The following TEK variants were observed in gnomAD, a reference collection of about 807,000 sequenced individuals.
TEK encodes TEK receptor tyrosine kinase, also known as angiopoietin-1 receptor.
A neutral mutation model predicts 131.8 loss-of-function variants in TEK; 43 were observed. The observed-to-expected ratio is 0.33, with a 90% CI of 0.26 to 0.42. The LOEUF (loss-of-function observed/expected upper bound fraction) is 0.42, where lower values mean the gene tolerates loss of function less well. Among genes scored for constraint, TEK ranks in the 10% least tolerant of loss-of-function variants. The probability of loss-of-function intolerance (pLI) is 1.00; values close to 1 mark genes in which losing one functional copy is unlikely to be tolerated. For synonymous variants in TEK, 580 were observed against 491.6 expected (o/e 1.18, Z -2.38); for missense variants, 1,162 against 1,384.4 (o/e 0.84, Z 2.55).
At position 27,114,948 on chromosome 9, in the gene TEK, C is replaced by CTTATT. The variant is rs1207115655; in HGVS notation, c.52+5307_52+5311dup. ...CATCTATCCTTTCAATAAACAAAGA[C>CTTATT]TTATTGAGGGTTTCCTTTGAGCCAT... On this transcript the variant is annotated intron_variant, in intron 1 of 22. Transcript: ENST00000380036. Among the ~76,000 whole-genome samples the CTTATT allele has an allele frequency of 3.9e-5, 6 of 152,206 alleles. No individual in the cohort carries two copies. In the East Asian group the frequency reaches 1.2e-3, roughly 29 times the overall value.
Position 27,191,886 on chromosome 9 carries a change from G to A in TEK, c.1490-603G>A, listed in dbSNP as rs1408195773. 6 of 448,152 alleles carry A rather than the reference G, an allele frequency of 1.3e-5. No homozygotes were observed. In the East Asian group the frequency reaches 4.2e-4, roughly 31 times the overall value. The allele number at this position is 448,152 out of a possible 1,614,324, so 27.8% of individuals were successfully genotyped here. On this transcript the variant is annotated intron_variant, in intron 10 of 22. Coordinates refer to ENST00000380036, the MANE Select transcript of TEK (RefSeq NM_000459.5). Reference sequence around the variant, plus strand: ...ACATCCCAGTTTTTTTTCTTACCAAGTAGGAATTTATCATATGATAAGGCA... The same window carrying A: ...ACATCCCAGTTTTTTTTCTTACCAAATAGGAATTTATCATATGATAAGGCA...
intron 21 of TEK, among the ~76,000 whole-genome samples, chr9:27,226,949 G>T (rs7024846): frequency 0.47 from 71,908 of 151,848 alleles, 17,212 homozygotes; most frequent in Admixed American, 0.57. Flanking sequence ...GTGAAGGAGG[G>T]TGTTAATCTC....
chr9:27,180,522 G>T (rs1035096736), intron 7 of TEK, 154 bp downstream of exon 7: 4 of 1,169,144 alleles, frequency 3.4e-6, no homozygotes, highest in East Asian at 5.3e-5. Flanking sequence ...CTAAAGCACA[G>T]CATTTTAATT....
chr9:27,127,558 T>G (rs919374880), intron 1 of TEK, among the ~76,000 whole-genome samples: 1 of 152,226 alleles, frequency 6.6e-6, no homozygotes, highest in Admixed American at 6.5e-5. Flanking sequence ...ATTGCCATAT[T>G]GTCTTCCACA....
chr9:27,148,431 G>C (rs1219486496), intron 1 of TEK, among the ~76,000 whole-genome samples: 2 of 152,236 alleles, frequency 1.3e-5, no homozygotes, highest in Admixed American at 6.5e-5. Context: ...TTATGCTTCT[G>C]TATGTCATCT....
intron 1 of TEK, among the ~76,000 whole-genome samples, chr9:27,137,582 AG>A (rs1423370030): frequency 1.3e-5 from 2 of 152,148 alleles, no homozygotes. Flanking sequence ...GTTCAACTTT[AG>A]GAATTTATAT....
intron 5 of TEK, 99 bp from the exon 6 acceptor site, chr9:27,173,123 T>A: frequency 6.7e-7 from 1 of 1,496,456 alleles, no homozygotes; most frequent in Non-Finnish European, 9.2e-7. Flanking sequence ...TTTGACTGTT[T>A]CCCATATTCA....
At chr9:27,150,419 C>T (rs994040112) in intron 1 of TEK, among the ~76,000 whole-genome samples, 1 of 152,168 alleles carries the variant, frequency 6.6e-6, no homozygotes, top group South Asian at 2.1e-4. Flanking sequence ...CCAGCCTAGG[C>T]AACACAGTGA....
At chr9:27,117,213 C>T (rs759300580) in intron 1 of TEK, among the ~76,000 whole-genome samples, 4 of 152,118 alleles carry the variant, frequency 2.6e-5, no homozygotes, top group Admixed American at 6.5e-5. Context: ...AGAGTAACAG[C>T]CTCCGGGCCT....
chr9:27,214,180 G>A (rs1242976004), intron 18 of TEK, among the ~76,000 whole-genome samples: 1 of 152,204 alleles, frequency 6.6e-6, no homozygotes, highest in Non-Finnish European at 1.5e-5. Flanking sequence ...TACAGTCTTA[G>A]AGGAAGAGAG....
chr9:27,206,402 C>A (rs1457538404), intron 14 of TEK, among the ~76,000 whole-genome samples, 180 bp from the exon 15 acceptor site: 3 of 152,174 alleles, frequency 2.0e-5, no homozygotes, highest in Non-Finnish European at 4.4e-5. Flanking sequence ...CCCGTGCAGC[C>A]CTGTGGGCAG....
intron 1 of TEK, among the ~76,000 whole-genome samples, chr9:27,152,426 A>T (rs1242772419): frequency 6.8e-6 from 1 of 147,774 alleles, no homozygotes; most frequent in Admixed American, 6.8e-5. Context: ...AAAAAAAAAA[A>T]GCTAATTGGA....
At chr9:27,228,117 G>T (rs1369588144) in intron 21 of TEK, 89 bp from the exon 22 acceptor site, 3 of 1,080,596 alleles carry the variant, frequency 2.8e-6, no homozygotes, top group Admixed American at 1.8e-5. Flanking sequence ...CCATGCATTG[G>T]GTGGCTTCAT....
chr9:27,221,029 C>T (rs1159793112), intron 21 of TEK, among the ~76,000 whole-genome samples: 1 of 152,212 alleles, frequency 6.6e-6, no homozygotes, highest in African/African-American at 2.4e-5. Flanking sequence ...GAAATTCTCG[C>T]TGCAAGCACA....
chr9:27,144,513 G>T (rs1822843614), intron 1 of TEK, among the ~76,000 whole-genome samples: 1 of 152,192 alleles, frequency 6.6e-6, no homozygotes, highest in African/African-American at 2.4e-5. Context: ...AGATATTTAG[G>T]CCTGCAGTTT....
At chr9:27,129,861 A>T (rs1822143336) in intron 1 of TEK, among the ~76,000 whole-genome samples, 1 of 152,200 alleles carries the variant, frequency 6.6e-6, no homozygotes, top group African/African-American at 2.4e-5. Context: ...ATAGATTTCC[A>T]CTAAACTGAT....
intron 21 of TEK, among the ~76,000 whole-genome samples, chr9:27,221,620 C>A (rs572979509): frequency 6.6e-6 from 1 of 152,312 alleles, no homozygotes; most frequent in South Asian, 2.1e-4. Context: ...TCCAGGCAGA[C>A]AGGGTCTGGA....
chr9:27,138,229 A>C (rs1445848006), intron 1 of TEK, among the ~76,000 whole-genome samples: 3 of 152,186 alleles, frequency 2.0e-5, no homozygotes, highest in African/African-American at 7.2e-5. Context: ...GTGGAAGGGG[A>C]TCTGAGCGGG....
intron 8 of TEK, among the ~76,000 whole-genome samples, chr9:27,183,911 C>T (rs1018495743): frequency 4.6e-5 from 7 of 152,138 alleles, no homozygotes; most frequent in African/African-American, 9.7e-5. Context: ...GGGAGAAGTA[C>T]GTGTCAATCT....
Sources: allele counts gnomAD v4.1 joint callset (sites outside exome capture counted in the v4.1 genomes callset), GRCh38; gene constraint gnomAD v4.1.1; transcripts MANE v1.5; gene names NCBI Gene and HGNC (gene_info 2026-07-23, HGNC 2026-07-21).